DBH: variants seen among roughly 807,000 people sequenced by gnomAD.
DBH encodes dopamine beta-hydroxylase.
DBH carries 49 observed loss-of-function variants against 64.0 expected under a neutral mutation model. That is an observed-to-expected ratio of 0.77 (90% CI 0.61 to 0.97). The LOEUF is 0.97. Among genes scored for constraint, DBH ranks in the 50% least tolerant of loss-of-function variants. The pLI, the probability that DBH is intolerant of heterozygous loss-of-function variation, is 0.00. For synonymous variants in DBH, 343 were observed against 347.1 expected, an observed-to-expected ratio of 0.99 and a Z score of 0.13; for missense variants, 828 against 826.6, an observed-to-expected ratio of 1.00 and a Z score of -0.02.
In DBH at chr9:133,644,416, C is replaced by T. The variant is rs1832157654; in HGVS notation, c.1024+96C>T. ...CGCCCTTCGTCTGCCCAGCATGGTG[C>T]CCCCGCTGTACAGCTCCTCTTGGCA... On this transcript the variant is annotated intron_variant, in intron 5 of 11. Coordinates refer to ENST00000393056, the MANE Select transcript of DBH (RefSeq NM_000787.4). 1.5e-5 allele frequency: 15 copies of T among 978,830 alleles called. No homozygotes were observed. In the South Asian group the frequency reaches 2.0e-4, roughly 13 times the overall value. 60.6% of individuals were successfully genotyped at this position (978,830 alleles called of 1,614,324 possible). A position where few individuals can be genotyped will look rare whatever the true frequency, so the allele number is the denominator to read the frequency against.
chr9:133,649,941 T>C (rs1832224553), intron 6 of DBH, among the ~76,000 whole-genome samples: 2 of 152,322 alleles, frequency 1.3e-5, no homozygotes, highest in Middle Eastern at 3.4e-3. Context: ...TGTCTCTCCT[T>C]TGGCAGATAA....
intron 2 of DBH, among the ~76,000 whole-genome samples, chr9:133,640,231 G>A (rs560702747): frequency 6.6e-6 from 1 of 152,324 alleles, no homozygotes; most frequent in South Asian, 2.1e-4. Context: ...TTGCCAACAC[G>A]TAGCTGACAT....
At chr9:133,652,861 TG>T in intron 8 of DBH, 78 bp from the exon 9 acceptor site, 2 of 956,400 alleles carry the variant, frequency 2.1e-6, no homozygotes, top group Non-Finnish European at 3.4e-6. Flanking sequence ...CACAGTGGCG[TG>T]GTCCTATGGG....
At chr9:133,648,383 C>A (rs1832208399) in intron 6 of DBH, among the ~76,000 whole-genome samples, 1 of 152,204 alleles carries the variant, frequency 6.6e-6, no homozygotes, top group Admixed American at 6.5e-5. Context: ...GCCGCCTCCC[C>A]CTGAGATAGC....
Position 133,643,434 on chromosome 9 carries a change from G to A in DBH, c.766G>A (p.Gly256Ser), listed in dbSNP as rs1832140851. ...ACAGTACGAGCCCATCGTCACCAAG[G>A]GCAATGAGGCCCTTGTCCACCACAT... ...IIKYEPIVTKGNEALVHHMEV... is the reference protein window; with the variant it reads ...IIKYEPIVTKSNEALVHHMEV... The change falls in exon 4 of 12, where the codon GGC becomes AGC. Residue 256 changes from glycine (G) to serine (S), a missense_variant. Coordinates refer to ENST00000393056, the MANE Select transcript of DBH (RefSeq NM_000787.4). The surrounding 1 kb of genome is among the most constrained non-coding windows in gnomAD (Gnocchi z 5.3). The A allele has an allele frequency of 1.2e-6, 2 of 1,613,906 alleles. No individual in the cohort carries two copies. Among genetic ancestry groups the A allele is most frequent in the Non-Finnish European group, 8.5e-7 (1 of 1,180,002 alleles).
intron 4 of DBH, 34 bp from the exon 5 acceptor site, chr9:133,644,182 GAC>G (rs1250334443): frequency 1.9e-6 from 3 of 1,540,148 alleles, no homozygotes; most frequent in East Asian, 4.5e-5. Flanking sequence ...GCCCTCTCAG[GAC>G]ACACCCGTCT....
Position 133,656,570 on chromosome 9 carries a change from C to T in DBH, c.1482C>T (p.Tyr494=), listed in dbSNP as rs762910440. Reference sequence around the variant, plus strand: ...AGATGTGTGTCAACTACGTGCACTACTACCCCCAGACGCAGCTGGAGCTCT... The same window carrying T: ...AGATGTGTGTCAACTACGTGCACTATTACCCCCAGACGCAGCTGGAGCTCT... ...LEEMCVNYVH[Y]YPQTQLELCK... is the part of the protein sequence containing the mutation. Residue 494 remains tyrosine (Y), a synonymous_variant, in exon 10 of 12, where the codon TAC becomes TAT. Coordinates refer to ENST00000393056, the MANE Select transcript of DBH (RefSeq NM_000787.4). 6.2e-7 allele frequency: 1 copy of T among 1,613,948 alleles called. No individual in the cohort carries two copies. Among genetic ancestry groups the T allele is most frequent in the South Asian group, 1.1e-5 (1 of 91,080 alleles).
chr9:133,648,303 AAC>A (rs776800907), intron 6 of DBH, among the ~76,000 whole-genome samples: 10 of 152,178 alleles, frequency 6.6e-5, no homozygotes, highest in Non-Finnish European at 1.2e-4. Flanking sequence ...TTATGTAAGC[AAC>A]ACACACATGC....
At chr9:133,638,157 C>T (rs1381934980) in intron 1 of DBH, among the ~76,000 whole-genome samples, 1 of 152,234 alleles carries the variant, frequency 6.6e-6, no homozygotes, top group African/African-American at 2.4e-5. Flanking sequence ...ATTTGCACAA[C>T]AAATTCCTAC....
intron 1 of DBH, 77 bp from the exon 2 acceptor site, chr9:133,639,769 C>G (rs1030835408): frequency 3.9e-5 from 57 of 1,472,464 alleles, no homozygotes; most frequent in Non-Finnish European, 5.0e-5. Context: ...GGAGCTCTGC[C>G]GGGGAATGCC....
intron 11 of DBH, among the ~76,000 whole-genome samples, chr9:133,657,687 AAGCTGCG>A (rs776454827): frequency 2.6e-5 from 4 of 151,640 alleles, no homozygotes; most frequent in Admixed American, 6.6e-5. Flanking sequence ...AACCAGTCTG[AAGCTGCG>A]AGCTGGTTTT....
At chr9:133,638,981 C>T (rs1337773953) in intron 1 of DBH, among the ~76,000 whole-genome samples, 3 of 152,048 alleles carry the variant, frequency 2.0e-5, no homozygotes. Context: ...GATCCAGATC[C>T]CAGGAAGCAT....
At chr9:133,650,491 TTTTCTTTCC>T (rs1832234702) in intron 6 of DBH, among the ~76,000 whole-genome samples, 1 of 143,556 alleles carries the variant, frequency 7.0e-6, no homozygotes, top group Non-Finnish European at 1.5e-5. Context: ...TTTTTCTTTC[TTTTCTTTCC>T]TTTCTTTCTT....
Position 133,639,840 on chromosome 9 carries a change from C to T in DBH, c.340-6C>T, listed in dbSNP as rs1564208082. 1 of 1,608,974 alleles carries T rather than the reference C, an allele frequency of 6.2e-7. No homozygotes were observed. Among genetic ancestry groups the T allele is most frequent in the Non-Finnish European group, 8.5e-7 (1 of 1,178,408 alleles). ...CATGCCTGGAGCCCAGTGCTTGTCT[C>T]TGCAGGACGCCTGGAGTGACCAGAA... On this transcript the variant is annotated splice_polypyrimidine_tract_variant and splice_region_variant and intron_variant, in intron 1 of 11. Coordinates refer to ENST00000393056, the MANE Select transcript of DBH (RefSeq NM_000787.4).
At chr9:133,654,290 G>A (rs562220391) in intron 9 of DBH, among the ~76,000 whole-genome samples, 1 of 152,184 alleles carries the variant, frequency 6.6e-6, no homozygotes, top group East Asian at 1.9e-4. Flanking sequence ...TTTTAGTAGA[G>A]ATGGATTTTC....
chr9:133,641,448 G>A (rs1832115110), intron 2 of DBH, among the ~76,000 whole-genome samples: 1 of 152,248 alleles, frequency 6.6e-6, no homozygotes, highest in African/African-American at 2.4e-5. Context: ...CCAGGTATAG[G>A]GGCCTTTGCC....
chr9:133,658,831 G>A lies in DBH; in HGVS notation c.*384G>A, dbSNP rs775859382. The A allele has an allele frequency of 2.5e-5, 4 of 161,970 alleles. No individual in the cohort carries two copies. The highest frequency in any genetic ancestry group is 2.0e-4 in the South Asian group (1 of 4,904). 10.0% of individuals were successfully genotyped at this position (161,970 alleles called of 1,614,324 possible). A position where few individuals can be genotyped will look rare whatever the true frequency, so the allele number is the denominator to read the frequency against. On this transcript the variant is annotated 3_prime_UTR_variant, in exon 12 of 12. Coordinates refer to ENST00000393056, the MANE Select transcript of DBH (RefSeq NM_000787.4). ...TGCTGGGCCGGGGTGTGGAATCACC[G>A]GGAACGCCCCCGCCCCCGCCCCGCT...
chr9:133,647,534 G>A (rs1480746103), intron 5 of DBH, among the ~76,000 whole-genome samples: 3 of 152,230 alleles, frequency 2.0e-5, no homozygotes, highest in African/African-American at 7.2e-5. Flanking sequence ...TGATTCCATG[G>A]AGGCTTTAAG....
intron 6 of DBH, among the ~76,000 whole-genome samples, chr9:133,649,147 C>T (rs764400528): frequency 5.9e-5 from 9 of 152,268 alleles, no homozygotes; most frequent in Middle Eastern, 6.8e-3. Context: ...AGGATCTTTT[C>T]CTCTGCCTCT....
Sources: gnomAD v4.1 joint callset for allele counts (sites outside exome capture counted in the v4.1 genomes callset) on GRCh38, gnomAD v4.1.1 for gene constraint, Gnocchi (gnomAD v3.1) non-coding constraint, MANE v1.5 for transcripts, NCBI Gene and HGNC (gene_info 2026-07-23, HGNC 2026-07-21) for gene names.